Variants in UQCC1 observed in about 807,000 individuals in gnomAD.
UQCC1 encodes the protein ubiquinol-cytochrome c reductase complex assembly factor 1.
A neutral mutation model predicts 48.0 loss-of-function variants in UQCC1; 38 were observed. The observed-to-expected ratio is 0.79, with a 90% CI of 0.61 to 1.04. The LOEUF is 1.04. UQCC1 is among the 50% of genes least tolerant of loss of function. The pLI is 0.00. For synonymous variants in UQCC1, 111 were observed against 129.2 expected (o/e 0.86, Z 0.95); for missense variants, 368 against 381.8 (o/e 0.96, Z 0.30).
intron 7 of UQCC1, among the ~76,000 whole-genome samples, chr20:35,333,207 C>T (rs1486905515): frequency 6.6e-6 from 1 of 152,156 alleles, no homozygotes; most frequent in Non-Finnish European, 1.5e-5. Flanking sequence ...AAGTTTTCTG[C>T]TCCTTGGTTC....
chr20:35,306,796 A>G lies in UQCC1; in HGVS notation c.652-17T>C, dbSNP rs1568644255. 1 of 1,593,050 alleles carries G rather than the reference A, an allele frequency of 6.3e-7. No individual in the cohort carries two copies. Among genetic ancestry groups the G allele is most frequent in the Admixed American group, 1.7e-5 (1 of 59,994 alleles). On this transcript the variant is annotated splice_polypyrimidine_tract_variant and intron_variant, in intron 8 of 9. Coordinates refer to ENST00000374385, the MANE Select transcript of UQCC1 (RefSeq NM_018244.5). ...AAGGATCCCCTGGAACATACAGCAC[A>G]GCAGTGGTCTCCTGAGGGATCCACA...
intron 7 of UQCC1, among the ~76,000 whole-genome samples, chr20:35,321,252 CTGTGTGTGTGTGTGTGTGTG>C (rs58532328): frequency 1.4e-5 from 2 of 147,224 alleles, no homozygotes; most frequent in Non-Finnish European, 3.0e-5. Flanking sequence ...ACAAACAAAA[CTGTGTGTGTGTGTGTGTGTG>C]TGTGTGTGTG....
chr20:35,366,142 C>T (rs901991363), intron 6 of UQCC1, among the ~76,000 whole-genome samples: 5 of 152,112 alleles, frequency 3.3e-5, no homozygotes, highest in East Asian at 1.9e-4. Context: ...GAGGTACAGG[C>T]GTAAATGTCA....
intron 6 of UQCC1, among the ~76,000 whole-genome samples, chr20:35,361,324 T>C (rs1169787164): frequency 6.6e-6 from 1 of 152,028 alleles, no homozygotes. Flanking sequence ...TCAATGTAAA[T>C]GTCCTCTTCA....
Position 35,366,934 on chromosome 20 carries a change from A to C in UQCC1, c.407-320T>G, listed in dbSNP as rs538487230. Among the ~76,000 whole-genome samples, 54 of 152,112 alleles carry C rather than the reference A, an allele frequency of 3.6e-4. 1 individual carries two copies. Among genetic ancestry groups the C allele is most frequent in the African/African-American group, 1.3e-3 (54 of 41,514 alleles). On this transcript the variant is annotated intron_variant, in intron 5 of 9. Coordinates refer to ENST00000374385, the MANE Select transcript of UQCC1 (RefSeq NM_018244.5). ...CATGGCGAAACCCCATCTCTACTAA[A>C]AATACAAAAATTAACCAGGCGTGGT...
At chr20:35,323,379 T>C (rs779500000) in intron 7 of UQCC1, among the ~76,000 whole-genome samples, 7 of 152,106 alleles carry the variant, frequency 4.6e-5, no homozygotes, top group Non-Finnish European at 8.8e-5. Flanking sequence ...AATAACAGGA[T>C]GAAGCAAGGG....
At chr20:35,403,916 T>TG (rs1398650902) in intron 1 of UQCC1, among the ~76,000 whole-genome samples, 2 of 150,616 alleles carry the variant, frequency 1.3e-5, no homozygotes, top group Admixed American at 6.6e-5. Context: ...TGTCGTGGGG[T>TG]GGGGGGAGCG....
chr20:35,321,855 A>T (rs934523094), intron 7 of UQCC1, among the ~76,000 whole-genome samples: 5 of 152,248 alleles, frequency 3.3e-5, no homozygotes, highest in Non-Finnish European at 5.9e-5. Flanking sequence ...TAATTTCTAT[A>T]TAGTCACGAA....
At chr20:35,347,715 G>A (rs185626317) in intron 6 of UQCC1, among the ~76,000 whole-genome samples, 16 of 152,270 alleles carry the variant, frequency 1.1e-4, no homozygotes, top group Admixed American at 8.5e-4. Context: ...GTCCAATACA[G>A]TGGCTCCCCT....
chr20:35,322,763 G>A (rs551918777), intron 7 of UQCC1, among the ~76,000 whole-genome samples: 65 of 151,816 alleles, frequency 4.3e-4, no homozygotes, highest in African/African-American at 1.3e-3. Context: ...AAACAAAAAC[G>A]TTAAGTCACT....
At chr20:35,369,545 T>C (rs1314310883) in intron 5 of UQCC1, among the ~76,000 whole-genome samples, 2 of 152,312 alleles carry the variant, frequency 1.3e-5, no homozygotes, top group South Asian at 2.1e-4. Flanking sequence ...CATAACACAG[T>C]TGTACATTTA....
intron 2 of UQCC1, among the ~76,000 whole-genome samples, chr20:35,393,503 AACACACAC>A (rs3055772): frequency 0.062 from 9,111 of 146,844 alleles, 390 homozygotes; most frequent in Non-Finnish European, 0.099. Context: ...AACACACACA[AACACACAC>A]ACACACACAC....
intron 7 of UQCC1, among the ~76,000 whole-genome samples, chr20:35,317,599 C>T (rs939137236): frequency 6.6e-6 from 1 of 152,218 alleles, no homozygotes; most frequent in Non-Finnish European, 1.5e-5. Context: ...CCTGGGTACA[C>T]ACGTGGTTTA....
chr20:35,408,130 CA>C (rs2062280022), intron 1 of UQCC1, among the ~76,000 whole-genome samples: 1 of 151,960 alleles, frequency 6.6e-6, no homozygotes, highest in African/African-American at 2.4e-5. Flanking sequence ...TGGCAATTGT[CA>C]AAAAACAGAA....
At chr20:35,382,120 A>T (rs1277565296) in intron 3 of UQCC1, 95 bp from the exon 4 acceptor site, 26 of 678,796 alleles carry the variant, frequency 3.8e-5, no homozygotes, top group Admixed American at 5.2e-5. Context: ...TTTTTTTTTT[A>T]AATACAGTCA....
At chr20:35,368,003 C>T (rs916123680) in intron 5 of UQCC1, among the ~76,000 whole-genome samples, 5 of 152,088 alleles carry the variant, frequency 3.3e-5, no homozygotes, top group Non-Finnish European at 7.4e-5. Context: ...AGGGGTCTCC[C>T]ACTGAATGTG....
At position 35,374,208 on chromosome 20, in the gene UQCC1, T is replaced by C. The variant is rs1267232803; in HGVS notation, c.382A>G (p.Thr128Ala). 1 of 1,612,572 alleles carries C rather than the reference T, an allele frequency of 6.2e-7. No homozygotes were observed. Among genetic ancestry groups the C allele is most frequent in the Non-Finnish European group, 8.5e-7 (1 of 1,179,372 alleles). ...LRMYTSCVEK[T>A]DFEEFFLRCQ... is the part of the protein sequence containing the mutation. ...CTTAGAAAGAATTCCTCGAAGTCAG[T>C]TTTCTCCACACAGCTAGTATACATG... Residue 128 changes from threonine (T) to alanine (A), a missense_variant, in exon 5 of 10, where the codon ACT becomes GCT. Thr to Ala is a moderately conservative substitution (Grantham distance 58). Coordinates refer to ENST00000374385, the MANE Select transcript of UQCC1 (RefSeq NM_018244.5).
intron 6 of UQCC1, among the ~76,000 whole-genome samples, chr20:35,353,427 TTATAAAG>T (rs2146405135): frequency 6.6e-6 from 1 of 151,652 alleles, no homozygotes; most frequent in Admixed American, 6.6e-5. Context: ...ATTAAAAAGT[TTATAAAG>T]TATAAATGTT....
At chr20:35,373,806 T>C (rs1600970497) in intron 5 of UQCC1, among the ~76,000 whole-genome samples, 1 of 152,222 alleles carries the variant, frequency 6.6e-6, no homozygotes, top group East Asian at 1.9e-4. Context: ...AAAGTACAGT[T>C]TGTTTGTTTT....
Sources: allele counts gnomAD v4.1 joint callset (sites outside exome capture counted in the v4.1 genomes callset), GRCh38; gene constraint gnomAD v4.1.1; transcripts MANE v1.5; gene names NCBI Gene and HGNC (gene_info 2026-07-23, HGNC 2026-07-21).